Variants in EPHB1 observed in about 807,000 individuals in gnomAD.
EPHB1 encodes the protein ephrin type-B receptor 1.
Under a neutral mutation model 94.4 loss-of-function variants are expected in EPHB1, and 30 were observed. That is an observed-to-expected ratio of 0.32 (90% CI 0.24 to 0.43). The LOEUF is 0.43. EPHB1 is among the 20% of genes least tolerant of loss of function. The probability of loss-of-function intolerance (pLI) is 1.00; values close to 1 mark genes in which losing one functional copy is unlikely to be tolerated. For synonymous variants in EPHB1, 522 were observed against 489.1 expected, an observed-to-expected ratio of 1.07 and a Z score of -0.89; for missense variants, 1,055 against 1,308.3, an observed-to-expected ratio of 0.81 and a Z score of 2.99.
intron 6 of EPHB1, among the ~76,000 whole-genome samples, chr3:135,161,361 G>A (rs562015835): frequency 1.2e-3 from 179 of 152,278 alleles, no homozygotes; most frequent in Non-Finnish European, 2.2e-3. Flanking sequence ...GCACATGCCC[G>A]CTCTGAATGC....
chr3:134,906,057 C>G (rs887464532), intron 1 of EPHB1, among the ~76,000 whole-genome samples: 2 of 152,192 alleles, frequency 1.3e-5, no homozygotes, highest in Non-Finnish European at 2.9e-5. Context: ...CATGGTGATG[C>G]GATCCCATTG....
chr3:135,064,928 A>AT (rs1937562092), intron 3 of EPHB1, among the ~76,000 whole-genome samples: 1 of 152,074 alleles, frequency 6.6e-6, no homozygotes, highest in African/African-American at 2.4e-5. Context: ...AGTTTGAAAC[A>AT]TTTTTTAATT....
chr3:134,837,721 C>T (rs1374961060), intron 1 of EPHB1, among the ~76,000 whole-genome samples: 2 of 152,216 alleles, frequency 1.3e-5, no homozygotes, highest in Non-Finnish European at 2.9e-5. Flanking sequence ...GAATGCTCTG[C>T]TCTGGCCCTC....
At chr3:134,964,874 T>G (rs1559774731) in intron 3 of EPHB1, among the ~76,000 whole-genome samples, 1 of 152,242 alleles carries the variant, frequency 6.6e-6, no homozygotes. Flanking sequence ...AATGGCTATT[T>G]CCATTCATTG....
At chr3:135,043,766 A>T (rs1559807319) in intron 3 of EPHB1, among the ~76,000 whole-genome samples, 1 of 152,198 alleles carries the variant, frequency 6.6e-6, no homozygotes, top group Non-Finnish European at 1.5e-5. Flanking sequence ...TCCACGGATG[A>T]CACCTTCACA....
chr3:135,012,645 T>C (rs1331544990), intron 3 of EPHB1, among the ~76,000 whole-genome samples: 1 of 152,248 alleles, frequency 6.6e-6, no homozygotes, highest in East Asian at 1.9e-4. Flanking sequence ...TATTTCTTTC[T>C]TGTTTCCCCA....
At chr3:135,242,968 C>T (rs1292157833) in intron 13 of EPHB1, among the ~76,000 whole-genome samples, 3 of 150,622 alleles carry the variant, frequency 2.0e-5, no homozygotes, top group East Asian at 2.0e-4. Flanking sequence ...CTCAGCTACT[C>T]GGGAGACTGA....
intron 5 of EPHB1, among the ~76,000 whole-genome samples, chr3:135,144,200 C>G (rs1940931915): frequency 6.6e-6 from 1 of 152,200 alleles, no homozygotes; most frequent in East Asian, 1.9e-4. Flanking sequence ...CTGCACTAAC[C>G]TCTGGGGACT....
At position 135,052,862 on chromosome 3, in the gene EPHB1, A is replaced by C. The variant is rs1576347712; in HGVS notation, c.806-53586A>C. The stretch of plus-strand genomic sequence containing the variant: ...GGCGACACAGCGAGACTCCGTCTCA[A>C]AAAAAAAAAAAAAAAAAAAAAAAAA... On this transcript the variant is annotated intron_variant, in intron 3 of 15. Transcript: ENST00000398015. Among the ~76,000 whole-genome samples the C allele has an allele frequency of 5.7e-5, 3 of 52,624 alleles. 1 individual carries two copies. Among genetic ancestry groups the C allele is most frequent in the African/African-American group, 2.4e-4 (2 of 8,504 alleles). The allele number at this position is 52,624 out of a possible 152,430, so 34.5% of individuals were successfully genotyped here.
chr3:134,925,681 G>A, intron 1 of EPHB1, 135 bp from the exon 2 acceptor site: 1 of 667,812 alleles, frequency 1.5e-6, no homozygotes. Flanking sequence ...AGAGACCTGG[G>A]CTTGAAGATG....
intron 3 of EPHB1, among the ~76,000 whole-genome samples, chr3:135,011,963 A>ATT (rs5852809): frequency 6.6e-6 from 1 of 151,802 alleles, no homozygotes; most frequent in Non-Finnish European, 1.5e-5. Context: ...TGCAGTCCAG[A>ATT]TTTTTTTTAC....
intron 1 of EPHB1, among the ~76,000 whole-genome samples, chr3:134,908,596 G>C (rs2038386247): frequency 6.6e-6 from 1 of 152,200 alleles, no homozygotes; most frequent in Non-Finnish European, 1.5e-5. Flanking sequence ...GCAGGGCTGG[G>C]AAAGGCCTGA....
At chr3:135,111,921 GC>G (rs1939462610) in intron 4 of EPHB1, among the ~76,000 whole-genome samples, 1 of 152,118 alleles carries the variant, frequency 6.6e-6, no homozygotes, top group South Asian at 2.1e-4. Flanking sequence ...CTTGTGATCT[GC>G]CCGCCTCAGC....
intron 13 of EPHB1, among the ~76,000 whole-genome samples, chr3:135,247,996 T>C (rs1943969695): frequency 6.6e-6 from 1 of 152,188 alleles, no homozygotes; most frequent in Non-Finnish European, 1.5e-5. Flanking sequence ...CTATGTCTTC[T>C]TAAAGAGCGG....
chr3:135,243,534 G>A (rs1943845897), intron 13 of EPHB1, among the ~76,000 whole-genome samples: 4 of 152,206 alleles, frequency 2.6e-5, no homozygotes, highest in Admixed American at 2.6e-4. Flanking sequence ...TGTCTCAAGT[G>A]CAGTTTTGCT....
chr3:135,051,507 A>C (rs1559810269), intron 3 of EPHB1, among the ~76,000 whole-genome samples: 1 of 152,238 alleles, frequency 6.6e-6, no homozygotes, highest in Non-Finnish European at 1.5e-5. Flanking sequence ...TGGCTCAAGC[A>C]AGCTGTCATC....
At chr3:134,909,117 G>GGGGGT (rs1416613076) in intron 1 of EPHB1, among the ~76,000 whole-genome samples, 2 of 118,674 alleles carry the variant, frequency 1.7e-5, no homozygotes, top group African/African-American at 6.2e-5. Flanking sequence ...GGTGGGGGCG[G>GGGGGT]GGGGCGGGCT....
chr3:135,183,492 A>T (rs1481868367), intron 10 of EPHB1, among the ~76,000 whole-genome samples: 1 of 152,146 alleles, frequency 6.6e-6, no homozygotes, highest in African/African-American at 2.4e-5. Flanking sequence ...TGTGCATGTG[A>T]CTGGGGGTGA....
At chr3:134,902,103 G>A (rs1406259775) in intron 1 of EPHB1, among the ~76,000 whole-genome samples, 1 of 152,222 alleles carries the variant, frequency 6.6e-6, no homozygotes, top group East Asian at 1.9e-4. Context: ...AGTCCGACCT[G>A]TCTGTGAGAT....
Sources: gnomAD v4.1 joint callset for allele counts (sites outside exome capture counted in the v4.1 genomes callset) on GRCh38, gnomAD v4.1.1 for gene constraint, MANE v1.5 for transcripts, NCBI Gene and HGNC (gene_info 2026-07-23, HGNC 2026-07-21) for gene names.